The following MAGI2 variants were observed in gnomAD, a reference collection of about 807,000 sequenced individuals.
MAGI2 encodes the protein membrane-associated guanylate kinase, WW and PDZ domain-containing protein 2.
Under a neutral mutation model 133.3 loss-of-function variants are expected in MAGI2, and 35 were observed. The observed-to-expected ratio is 0.26, with a 90% CI of 0.20 to 0.35. The LOEUF (loss-of-function observed/expected upper bound fraction) is 0.35. Among genes scored for constraint, MAGI2 ranks in the 10% least tolerant of loss-of-function variants. The pLI is 1.00. For missense variants in MAGI2, 1,636 were observed against 1,863.4 expected, an observed-to-expected ratio of 0.88 and a Z score of 2.25; for synonymous variants, 729 against 710.6, an observed-to-expected ratio of 1.03 and a Z score of -0.41.
At chr7:78,200,575 G>A (rs1224928130) in intron 11 of MAGI2, among the ~76,000 whole-genome samples, 1 of 152,052 alleles carries the variant, frequency 6.6e-6, no homozygotes, top group Non-Finnish European at 1.5e-5. Context: ...GTGTGTATGT[G>A]TGTGTGTATA....
At chr7:78,144,774 A>G (rs1823122181) in intron 16 of MAGI2, among the ~76,000 whole-genome samples, 1 of 152,050 alleles carries the variant, frequency 6.6e-6, no homozygotes, top group South Asian at 2.1e-4. Context: ...TTGTTATTTT[A>G]ATTTCTGAGA....
chr7:78,822,018 A>G (rs151280951), intron 2 of MAGI2, among the ~76,000 whole-genome samples: 304 of 152,192 alleles, frequency 2.0e-3, no homozygotes, highest in Non-Finnish European at 2.9e-3. Context: ...CAGATATTCA[A>G]TTTTACACTG....
intron 1 of MAGI2, among the ~76,000 whole-genome samples, chr7:79,284,659 A>C (rs1835877956): frequency 6.6e-6 from 1 of 152,126 alleles, no homozygotes. Context: ...CTTAGCTCTG[A>C]TTTAAGAAGA....
intron 9 of MAGI2, among the ~76,000 whole-genome samples, chr7:78,324,237 A>G (rs966192157): frequency 2.1e-5 from 3 of 145,092 alleles, no homozygotes; most frequent in Non-Finnish European, 3.1e-5. Flanking sequence ...ACTGAGGGGG[A>G]AAAAAAAAAC....
intron 1 of MAGI2, among the ~76,000 whole-genome samples, chr7:79,094,883 C>T (rs1817385314): frequency 6.6e-6 from 1 of 152,130 alleles, no homozygotes; most frequent in Non-Finnish European, 1.5e-5. Context: ...ATTTATGGAA[C>T]ATGGGTAGAA....
intron 2 of MAGI2, among the ~76,000 whole-genome samples, chr7:78,789,800 C>A (rs1827118198): frequency 6.6e-6 from 1 of 152,142 alleles, no homozygotes; most frequent in African/African-American, 2.4e-5. Context: ...TTCATTCTAT[C>A]TCTAGCTCTT....
chr7:78,804,211 C>T (rs1445341625), intron 2 of MAGI2, among the ~76,000 whole-genome samples: 3 of 133,774 alleles, frequency 2.2e-5, no homozygotes, highest in African/African-American at 7.8e-5. Context: ...GAAATGGCTT[C>T]TGATTGGAAA....
At chr7:79,242,555 G>C (rs1832498989) in intron 1 of MAGI2, among the ~76,000 whole-genome samples, 1 of 151,974 alleles carries the variant, frequency 6.6e-6, no homozygotes, top group African/African-American at 2.4e-5. Flanking sequence ...CTTTATTTGT[G>C]GATAAACACT....
Position 78,829,877 on chromosome 7 carries a change from ATGT to A in MAGI2, c.418+177210_418+177212del, listed in dbSNP as rs1345388578. Among the ~76,000 whole-genome samples the A allele has an allele frequency of 2.6e-5, 4 of 152,096 alleles. No homozygotes were observed. In the East Asian group the frequency reaches 5.8e-4, roughly 22 times the overall value. On this transcript the variant is annotated intron_variant, in intron 2 of 21. Transcript: ENST00000354212. The stretch of plus-strand genomic sequence containing the variant: ...AAGTGTTAACTGGGCTATGTCTCTA[ATGT>A]TGTACGACTCAACTAAAGCTAAAAA...
intron 2 of MAGI2, among the ~76,000 whole-genome samples, chr7:78,718,375 G>A (rs1233687891): frequency 6.6e-6 from 1 of 152,102 alleles, no homozygotes; most frequent in Non-Finnish European, 1.5e-5. Context: ...ATCCTATTAA[G>A]AACTGGGCCA....
At chr7:79,005,333 G>A (rs1807326163) in intron 2 of MAGI2, among the ~76,000 whole-genome samples, 1 of 152,024 alleles carries the variant, frequency 6.6e-6, no homozygotes, top group Non-Finnish European at 1.5e-5. Flanking sequence ...CTTTATAGGA[G>A]CTATCCAAGG....
chr7:78,867,602 T>C lies in MAGI2; in HGVS notation c.418+139488A>G, dbSNP rs540367177. 4.3e-4 allele frequency among the ~76,000 whole-genome samples: 65 copies of C among 150,168 alleles called. 1 individual carries two copies. The highest frequency in any genetic ancestry group is 1.4e-3 in the African/African-American group (59 of 40,798). On this transcript the variant is annotated intron_variant, in intron 2 of 21. Transcript: ENST00000354212. The stretch of plus-strand genomic sequence containing the variant: ...ATATACCTAATGCTAGATGACAAGT[T>C]AGTGGGTGCAGCACACCAGCATGGC...
chr7:79,229,595 G>C (rs950397039), intron 1 of MAGI2, among the ~76,000 whole-genome samples: 16 of 152,244 alleles, frequency 1.1e-4, no homozygotes, highest in African/African-American at 3.4e-4. Flanking sequence ...GCAAATTTCT[G>C]TTTTCAAGTG....
rs17151363 is a variant in MAGI2, at chr7:78,718,864, A to G, written c.419-91625T>C. 9.4e-3 allele frequency among the ~76,000 whole-genome samples: 1,436 copies of G among 152,182 alleles called. 27 individuals are homozygous for G. The highest frequency in any genetic ancestry group is 0.033 in the African/African-American group (1,369 of 41,522). ...TAGGGACCACTGCTCTAGATGATTCACTGGGGACATACGGTTGCCAGTGAC... is the reference window on the plus strand; with the variant it reads ...TAGGGACCACTGCTCTAGATGATTCGCTGGGGACATACGGTTGCCAGTGAC... On this transcript the variant is annotated intron_variant, in intron 2 of 21. Coordinates refer to ENST00000354212, the MANE Select transcript of MAGI2 (RefSeq NM_012301.4).
chr7:78,847,512 TA>T (rs1792732465), intron 2 of MAGI2, among the ~76,000 whole-genome samples: 1 of 152,018 alleles, frequency 6.6e-6, no homozygotes, highest in Non-Finnish European at 1.5e-5. Context: ...ATTGAACCCA[TA>T]ATAAGGCAAA....
chr7:78,093,826 T>C (rs1028992894), intron 20 of MAGI2, among the ~76,000 whole-genome samples: 1 of 152,194 alleles, frequency 6.6e-6, no homozygotes, highest in Non-Finnish European at 1.5e-5. Context: ...GTTACGGAGT[T>C]GTGAACCACC....
chr7:78,491,612 C>T (rs1232172519), intron 5 of MAGI2, among the ~76,000 whole-genome samples: 1 of 151,822 alleles, frequency 6.6e-6, no homozygotes. Flanking sequence ...TCAATTTGAC[C>T]CTTGTAAAGT....
intron 6 of MAGI2, among the ~76,000 whole-genome samples, chr7:78,380,257 T>G (rs994849389): frequency 1.3e-5 from 2 of 151,542 alleles, no homozygotes; most frequent in African/African-American, 4.8e-5. Flanking sequence ...TAGCTTAAGA[T>G]TAAAAAGAGT....
At position 78,986,151 on chromosome 7, in the gene MAGI2, A is replaced by G. The variant is rs151316311; in HGVS notation, c.418+20939T>C. Among the ~76,000 whole-genome samples, 401 of 152,178 alleles carry G rather than the reference A, an allele frequency of 2.6e-3. 2 individuals carry two copies. The highest frequency in any genetic ancestry group is 9.0e-3 in the African/African-American group (374 of 41,552). On this transcript the variant is annotated intron_variant, in intron 2 of 21. Coordinates refer to ENST00000354212, the MANE Select transcript of MAGI2 (RefSeq NM_012301.4). ...TAACACTACTTAGCACTTAGCTGACATTTTTCATTTTCAAATTACTTTTGC... is the reference window on the plus strand; with the variant it reads ...TAACACTACTTAGCACTTAGCTGACGTTTTTCATTTTCAAATTACTTTTGC...
Sources: gnomAD v4.1 joint callset for allele counts (sites outside exome capture counted in the v4.1 genomes callset) on GRCh38, gnomAD v4.1.1 for gene constraint, MANE v1.5 for transcripts, NCBI Gene and HGNC (gene_info 2026-07-23, HGNC 2026-07-21) for gene names.